The following STXBP5 variants were observed in gnomAD, a reference collection of about 807,000 sequenced individuals.
STXBP5 encodes syntaxin binding protein 5, also known as syntaxin-binding protein 5.
A neutral mutation model predicts 152.4 loss-of-function variants in STXBP5; 50 were observed. The ratio of observed to expected loss-of-function variants is 0.33; its 90% CI spans 0.26 to 0.42. The LOEUF (loss-of-function observed/expected upper bound fraction) is 0.42. STXBP5 is among the 10% of genes least tolerant of loss of function. The pLI is 1.00. For synonymous variants in STXBP5, 492 were observed against 494.7 expected (o/e 0.99, Z 0.07); for missense variants, 1,167 against 1,388.6 (o/e 0.84, Z 2.54).
At chr6:147,233,272 T>A (rs1198208307) in intron 2 of STXBP5, among the ~76,000 whole-genome samples, 1 of 151,834 alleles carries the variant, frequency 6.6e-6, no homozygotes, top group African/African-American at 2.4e-5. Context: ...AGACTGTATA[T>A]GAATGCTGCA....
chr6:147,378,636 G>A (rs1356863975), intron 26 of STXBP5, among the ~76,000 whole-genome samples: 5 of 151,852 alleles, frequency 3.3e-5, no homozygotes, highest in African/African-American at 4.8e-5. Flanking sequence ...ATACGAAACA[G>A]AAAACAAAAC....
chr6:147,353,677 G>A (rs1400762759), intron 22 of STXBP5, among the ~76,000 whole-genome samples: 1 of 151,962 alleles, frequency 6.6e-6, no homozygotes. Context: ...TATTAAAAGT[G>A]GTTGTATCCC....
At chr6:147,364,436 T>G (rs1583000456) in intron 25 of STXBP5, among the ~76,000 whole-genome samples, 1 of 152,320 alleles carries the variant, frequency 6.6e-6, no homozygotes, top group South Asian at 2.1e-4. Context: ...TGCATACATT[T>G]TATAACTACT....
At chr6:147,214,809 T>A (rs541979426) in intron 2 of STXBP5, among the ~76,000 whole-genome samples, 2 of 152,288 alleles carry the variant, frequency 1.3e-5, no homozygotes, top group East Asian at 3.9e-4. Flanking sequence ...TCCAAAGTAA[T>A]GCAAATCAGC....
At chr6:147,282,977 TAA>T (rs576247013) in intron 8 of STXBP5, among the ~76,000 whole-genome samples, 3 of 145,958 alleles carry the variant, frequency 2.1e-5, no homozygotes, top group African/African-American at 7.5e-5. Context: ...GCTGATGAGC[TAA>T]AAAAAAAAAA....
chr6:147,207,775 A>G (rs377507759), intron 2 of STXBP5, among the ~76,000 whole-genome samples: 3 of 152,252 alleles, frequency 2.0e-5, no homozygotes, highest in East Asian at 3.9e-4. Flanking sequence ...TTTCTGTAAA[A>G]TGAGTTTAGG....
chr6:147,264,523 A>G (rs1183153037), intron 6 of STXBP5, among the ~76,000 whole-genome samples: 1 of 152,070 alleles, frequency 6.6e-6, no homozygotes, highest in African/African-American at 2.4e-5. Context: ...AATTTCTTTA[A>G]TTTCAACCCA....
rs753736739 is a variant in STXBP5, at chr6:147,239,122, GT to G, written c.331-45del. 5 of 1,527,236 alleles carry G rather than the reference GT, an allele frequency of 3.3e-6. No homozygotes were observed. In the South Asian group the frequency reaches 6.1e-5, roughly 19 times the overall value. 94.6% of individuals were successfully genotyped at this position (1,527,236 alleles called of 1,614,324 possible). ...CTGGCAGCTATTGAGTAGACTTCAT[GT>G]TTATAAAATATATTATACATGAAAT... On this transcript the variant is annotated intron_variant, in intron 3 of 27. Transcript: ENST00000321680.
intron 17 of STXBP5, among the ~76,000 whole-genome samples, chr6:147,325,844 G>A (rs543456654): frequency 3.3e-5 from 5 of 151,360 alleles, no homozygotes; most frequent in East Asian, 3.9e-4. Context: ...CTGTATCCAC[G>A]GATTCAACCA....
At chr6:147,336,033 T>C (rs1262515081) in intron 19 of STXBP5, among the ~76,000 whole-genome samples, 1 of 152,246 alleles carries the variant, frequency 6.6e-6, no homozygotes, top group Non-Finnish European at 1.5e-5. Flanking sequence ...ATAAATCATG[T>C]ATTCTTATCA....
chr6:147,232,297 G>A (rs1256456139), intron 2 of STXBP5, among the ~76,000 whole-genome samples: 1 of 151,744 alleles, frequency 6.6e-6, no homozygotes, highest in Non-Finnish European at 1.5e-5. Flanking sequence ...AACCTACCCA[G>A]GCATCTCCTC....
At chr6:147,299,185 C>T (rs530869713) in intron 9 of STXBP5, among the ~76,000 whole-genome samples, 15 of 151,410 alleles carry the variant, frequency 9.9e-5, no homozygotes, top group South Asian at 4.2e-4. Flanking sequence ...CATTACAACC[C>T]GTACAATAGA....
chr6:147,285,139 G>A (rs1004438158), intron 8 of STXBP5, among the ~76,000 whole-genome samples: 6 of 152,162 alleles, frequency 3.9e-5, no homozygotes, highest in Non-Finnish European at 8.8e-5. Context: ...ATGTGGCATG[G>A]AAGTTTATGT....
chr6:147,379,022 G>C (rs1250383692), intron 26 of STXBP5, among the ~76,000 whole-genome samples: 1 of 151,224 alleles, frequency 6.6e-6, no homozygotes, highest in East Asian at 1.9e-4. Context: ...GCATTCCTTG[G>C]TTTCTGGTCC....
rs1003663431 is a variant in STXBP5, at chr6:147,359,243, G to A, written c.2465G>A (p.Gly822Glu). The change falls in exon 23 of 28, where the codon GGA becomes GAA. Residue 822 changes from glycine (G) to glutamate (E), a missense_variant. Around this residue, in one of 3 missense-constraint regions of STXBP5, gnomAD observed 833 missense variants for 986.3 expected, o/e 0.84. Coordinates refer to ENST00000321680, the MANE Select transcript of STXBP5 (RefSeq NM_001127715.4). Reference protein sequence around the residue: ...SPCLWVGTTLGTVLVIALNLP... With the variant: ...SPCLWVGTTLETVLVIALNLP... ...TGTCTATGGGTTGGAACAACGCTAG[G>A]AACAGTGCTTGTCATTGCACTGAAC... is the stretch of plus-strand genomic sequence containing the variant. 6.2e-7 allele frequency: 1 copy of A among 1,614,034 alleles called. No homozygotes were observed. The highest frequency in any genetic ancestry group is 8.5e-7 in the Non-Finnish European group (1 of 1,179,932).
chr6:147,306,586 G>T (rs1174840045), intron 9 of STXBP5, among the ~76,000 whole-genome samples: 1 of 152,190 alleles, frequency 6.6e-6, no homozygotes, highest in South Asian at 2.1e-4. Flanking sequence ...GGATGTGTCT[G>T]CATGATTTGG....
intron 8 of STXBP5, among the ~76,000 whole-genome samples, chr6:147,285,810 A>G (rs960149128): frequency 4.6e-5 from 7 of 152,176 alleles, no homozygotes; most frequent in East Asian, 1.9e-4. Flanking sequence ...ATTTGTTCCA[A>G]CCTCTGAAAG....
intron 16 of STXBP5, among the ~76,000 whole-genome samples, chr6:147,318,442 C>T (rs1367934851): frequency 6.6e-6 from 1 of 152,112 alleles, no homozygotes; most frequent in African/African-American, 2.4e-5. Context: ...CAGAGTACAA[C>T]AGTACCCAAA....
At chr6:147,260,527 A>G in intron 4 of STXBP5, 88 bp from the exon 5 acceptor site, 1 of 1,485,382 alleles carries the variant, frequency 6.7e-7, no homozygotes, top group Non-Finnish European at 9.3e-7. Context: ...GCTGTTCCTG[A>G]ATTATATATC....
Sources: gnomAD v4.1 joint callset for allele counts (sites outside exome capture counted in the v4.1 genomes callset) on GRCh38, gnomAD v4.1.1 for gene constraint, gnomAD v4.1.1 regional missense constraint, MANE v1.5 for transcripts, NCBI Gene and HGNC (gene_info 2026-07-23, HGNC 2026-07-21) for gene names.